The following SUCLG2 variants were observed in gnomAD, a reference collection of about 807,000 sequenced individuals.
SUCLG2 encodes succinate--CoA ligase [GDP-forming] subunit beta, mitochondrial.
SUCLG2 carries 42 observed loss-of-function variants against 47.9 expected under a neutral mutation model. The observed-to-expected ratio is 0.88, with a 90% CI of 0.69 to 1.14. The LOEUF (loss-of-function observed/expected upper bound fraction) is 1.14, where lower values mean the gene tolerates loss of function less well. Among genes scored for constraint, SUCLG2 ranks in the 50% most tolerant of loss-of-function variants. The pLI is 0.00. For synonymous variants in SUCLG2, 195 were observed against 197.3 expected, an observed-to-expected ratio of 0.99 and a Z score of 0.10; for missense variants, 571 against 525.9, an observed-to-expected ratio of 1.09 and a Z score of -0.84.
chr3:67,600,584 TAA>T (rs994198713), intron 2 of SUCLG2, among the ~76,000 whole-genome samples: 13 of 152,246 alleles, frequency 8.5e-5, no homozygotes, highest in African/African-American at 2.9e-4. Context: ...TTCAAGATTC[TAA>T]ACACTACTTT....
chr3:67,474,813 T>C (rs73104358), intron 9 of SUCLG2, among the ~76,000 whole-genome samples: 3,565 of 152,310 alleles, frequency 0.023, 56 homozygotes, highest in African/African-American at 0.038. Flanking sequence ...AGATTTCTCT[T>C]AGGGAAGCCC....
intron 5 of SUCLG2, among the ~76,000 whole-genome samples, chr3:67,519,309 C>T (rs1706033624): frequency 6.6e-6 from 1 of 152,182 alleles, no homozygotes. Flanking sequence ...CTCCAGCCAT[C>T]AGAGACCCTA....
chr3:67,400,887 C>G, intron 9 of SUCLG2, 36 bp from the exon 10 acceptor site: 1 of 1,610,928 alleles, frequency 6.2e-7, no homozygotes, highest in East Asian at 2.2e-5. Flanking sequence ...AATCAAAATG[C>G]TGATCGCCAA....
At chr3:67,577,716 G>C (rs538092911) in intron 2 of SUCLG2, among the ~76,000 whole-genome samples, 1 of 152,170 alleles carries the variant, frequency 6.6e-6, no homozygotes, top group Non-Finnish European at 1.5e-5. Context: ...GGAATGGCAA[G>C]AAAGAAGGCA....
Position 67,575,475 on chromosome 3 carries a change from G to T in SUCLG2, c.226+33980C>A, listed in dbSNP as rs1707719481. Among the ~76,000 whole-genome samples the T allele has an allele frequency of 2.0e-5, 3 of 152,246 alleles. No individual in the cohort carries two copies. In the South Asian group the frequency reaches 6.2e-4, roughly 32 times the overall value. On this transcript the variant is annotated intron_variant, in intron 2 of 10. Coordinates refer to ENST00000307227, the MANE Select transcript of SUCLG2 (RefSeq NM_003848.4). ...CATTTATATGCAATGTCCAGAAAAG[G>T]CAAACTTAGAGACTGAAAGTGAATG...
chr3:67,622,604 GTAGT>G (rs1452872561), intron 1 of SUCLG2, among the ~76,000 whole-genome samples: 1 of 152,100 alleles, frequency 6.6e-6, no homozygotes, highest in Non-Finnish European at 1.5e-5. Context: ...TCTATTTCAT[GTAGT>G]TAATTTAATA....
intron 1 of SUCLG2, among the ~76,000 whole-genome samples, chr3:67,637,507 G>A (rs1206990742): frequency 6.6e-6 from 1 of 152,182 alleles, no homozygotes; most frequent in Non-Finnish European, 1.5e-5. Context: ...AAGTGTGAGG[G>A]CAATTTACTG....
chr3:67,397,026 A>G (rs558711804), intron 10 of SUCLG2, among the ~76,000 whole-genome samples: 251 of 151,536 alleles, frequency 1.7e-3, no homozygotes, highest in African/African-American at 4.7e-3. Context: ...CGTATCTCAA[A>G]ATAATAAGAG....
chr3:67,546,841 C>T (rs1706877969), intron 2 of SUCLG2, among the ~76,000 whole-genome samples: 1 of 152,186 alleles, frequency 6.6e-6, no homozygotes, highest in Non-Finnish European at 1.5e-5. Context: ...GCAGAGGTTG[C>T]AGCGAGCTGA....
At chr3:67,547,851 A>G (rs939619162) in intron 2 of SUCLG2, among the ~76,000 whole-genome samples, 2 of 152,052 alleles carry the variant, frequency 1.3e-5, no homozygotes, top group African/African-American at 4.8e-5. Context: ...CCAGGGAGAG[A>G]TTCTGTCAAA....
chr3:67,439,686 C>T (rs1381525242), intron 9 of SUCLG2, among the ~76,000 whole-genome samples: 1 of 152,116 alleles, frequency 6.6e-6, no homozygotes, highest in Non-Finnish European at 1.5e-5. Flanking sequence ...ATGTGAAGGA[C>T]CTCTTCAAGG....
intron 9 of SUCLG2, among the ~76,000 whole-genome samples, chr3:67,407,780 T>G (rs1041420912): frequency 6.6e-6 from 1 of 152,172 alleles, no homozygotes; most frequent in Non-Finnish European, 1.5e-5. Flanking sequence ...TTTAAAAAAA[T>G]CACAGGTTAT....
In SUCLG2 at chr3:67,528,155, T is replaced by A. The variant is rs754206984; in HGVS notation, c.394A>T (p.Lys132Ter). 1 of 1,613,886 alleles carries A rather than the reference T, an allele frequency of 6.2e-7. No homozygotes were observed. The highest frequency in any genetic ancestry group is 1.7e-5 in the Admixed American group (1 of 59,994). Reference protein sequence around the residue: ...GYNLATKQTPKEGVKVNKVMV... With the variant: ...GYNLATKQTP ...ACCTTGTTAACTTTCACACCTTCTT[T>A]TGGAGTTTGTTTTGTCGCTAGATTG... Residue 132 changes from lysine to a stop codon, truncating the protein, a stop_gained, in exon 4 of 11, where the codon AAA (lysine) becomes TAA (stop). Coordinates refer to ENST00000307227, the MANE Select transcript of SUCLG2 (RefSeq NM_003848.4). LOFTEE classifies it high-confidence loss of function.
chr3:67,522,138 T>C (rs1706125699), intron 4 of SUCLG2, among the ~76,000 whole-genome samples: 1 of 152,002 alleles, frequency 6.6e-6, no homozygotes, highest in South Asian at 2.1e-4. Context: ...CACTGCAGCC[T>C]TGACCTCCCA....
At chr3:67,524,928 T>C (rs576678269) in intron 4 of SUCLG2, among the ~76,000 whole-genome samples, 2 of 152,212 alleles carry the variant, frequency 1.3e-5, no homozygotes, top group African/African-American at 4.8e-5. Flanking sequence ...ATCTCCAGGC[T>C]CACATGGTTT....
chr3:67,482,099 G>T (rs979346147), intron 9 of SUCLG2, among the ~76,000 whole-genome samples: 1 of 152,170 alleles, frequency 6.6e-6, no homozygotes. Context: ...AGAATCCCTC[G>T]AACCTGGGAG....
intron 2 of SUCLG2, among the ~76,000 whole-genome samples, chr3:67,552,493 G>T (rs904851879): frequency 6.6e-6 from 1 of 152,188 alleles, no homozygotes; most frequent in Non-Finnish European, 1.5e-5. Context: ...CAAAGTAAAG[G>T]CAATACTGGC....
intron 1 of SUCLG2, among the ~76,000 whole-genome samples, chr3:67,623,589 A>G (rs1208359411): frequency 6.6e-6 from 1 of 152,160 alleles, no homozygotes; most frequent in East Asian, 1.9e-4. Context: ...CAAAAAGGGG[A>G]AAAAATCTTG....
chr3:67,523,853 C>G (rs948760695), intron 4 of SUCLG2, among the ~76,000 whole-genome samples: 24 of 152,046 alleles, frequency 1.6e-4, no homozygotes, highest in Admixed American at 1.6e-3. Context: ...TTCTTAGAGG[C>G]AACACAAAAT....
Sources: allele counts gnomAD v4.1 joint callset (sites outside exome capture counted in the v4.1 genomes callset), GRCh38; gene constraint gnomAD v4.1.1; transcripts MANE v1.5; gene names NCBI Gene and HGNC (gene_info 2026-07-23, HGNC 2026-07-21).